Variants in IQGAP1 observed in about 807,000 individuals in gnomAD.
The protein encoded by IQGAP1 is IQ motif containing GTPase activating protein 1, also known as ras GTPase-activating-like protein IQGAP1.
A neutral mutation model predicts 215.6 loss-of-function variants in IQGAP1; 66 were observed. The observed-to-expected ratio is 0.31, with a 90% confidence interval of 0.25 to 0.38. IQGAP1 has a LOEUF of 0.38. Ranked by LOEUF, IQGAP1 falls within the 10% of genes least tolerant of loss-of-function variation. The probability of loss-of-function intolerance (pLI) is 1.00; values close to 1 mark genes in which losing one functional copy is unlikely to be tolerated. For missense variants in IQGAP1, 1,712 were observed against 1,997.1 expected (o/e 0.86, Z 2.72); for synonymous variants, 772 against 728.7 (o/e 1.06, Z -0.96).
intron 15 of IQGAP1, among the ~76,000 whole-genome samples, chr15:90,461,659 C>T (rs964603236): frequency 1.3e-5 from 2 of 151,878 alleles, no homozygotes; most frequent in African/African-American, 4.8e-5. Flanking sequence ...GCTGACATGG[C>T]GAAACTCCAT....
chr15:90,437,356 A>C (rs1345812546), intron 5 of IQGAP1, among the ~76,000 whole-genome samples: 1 of 152,212 alleles, frequency 6.6e-6, no homozygotes, highest in African/African-American at 2.4e-5. Flanking sequence ...CCATATCAGC[A>C]ACATTCTTGA....
intron 2 of IQGAP1, among the ~76,000 whole-genome samples, chr15:90,394,852 T>C (rs1964690089): frequency 6.6e-6 from 1 of 152,222 alleles, no homozygotes; most frequent in African/African-American, 2.4e-5. Flanking sequence ...TTGTGTATCC[T>C]AGGGCACTCC....
intron 15 of IQGAP1, among the ~76,000 whole-genome samples, chr15:90,460,637 C>T (rs1467287529): frequency 6.6e-6 from 1 of 152,104 alleles, no homozygotes; most frequent in East Asian, 1.9e-4. Flanking sequence ...ACTGTTCTTA[C>T]TGAGTTTCAG....
At chr15:90,398,361 A>G (rs1192169903) in intron 2 of IQGAP1, among the ~76,000 whole-genome samples, 1 of 152,118 alleles carries the variant, frequency 6.6e-6, no homozygotes, top group Non-Finnish European at 1.5e-5. Flanking sequence ...AGGGAGTGGA[A>G]TGGGGGTAGA....
At chr15:90,460,471 T>C (rs1965745944) in intron 15 of IQGAP1, among the ~76,000 whole-genome samples, 1 of 152,202 alleles carries the variant, frequency 6.6e-6, no homozygotes. Flanking sequence ...AAAGGCTGTT[T>C]GCAGTGGATG....
chr15:90,435,462 C>T (rs918904572), intron 5 of IQGAP1, among the ~76,000 whole-genome samples: 4 of 152,130 alleles, frequency 2.6e-5, no homozygotes, highest in Admixed American at 1.3e-4. Flanking sequence ...GATGACAGAG[C>T]GAGACTCTGT....
intron 10 of IQGAP1, among the ~76,000 whole-genome samples, chr15:90,449,115 G>A (rs1049931138): frequency 6.6e-6 from 1 of 151,308 alleles, no homozygotes; most frequent in Non-Finnish European, 1.5e-5. Flanking sequence ...GGCCAAAGCT[G>A]GAAAAGTACT....
At chr15:90,473,874 T>A in intron 20 of IQGAP1, 22 bp from the exon 21 acceptor site, 2 of 1,613,490 alleles carry the variant, frequency 1.2e-6, no homozygotes, top group Non-Finnish European at 1.7e-6. Context: ...CTCTTCTAAT[T>A]TCCAGGATCC....
intron 28 of IQGAP1, 179 bp from the exon 29 acceptor site, chr15:90,483,182 T>C: frequency 1.7e-6 from 1 of 571,646 alleles, no homozygotes; most frequent in Non-Finnish European, 3.1e-6. Context: ...GATATTTCAT[T>C]TAGTTCCAGG....
At position 90,477,843 on chromosome 15, in the gene IQGAP1, TACA is replaced by T; in HGVS notation, c.3285_3287del (p.Tyr1095_Lys1096delinsTer). The T allele has an allele frequency of 6.2e-7, 1 of 1,614,070 alleles. No individual in the cohort carries two copies. Among genetic ancestry groups the T allele is most frequent in the Non-Finnish European group, 8.5e-7 (1 of 1,179,950 alleles). ...CATCAAAACTGACCCTGTGGATATT[TACA>T]AATCTTGGGTTAATCAGATGGAGTC... On this transcript the variant is annotated stop_gained and inframe_deletion, in exon 26 of 38. Transcript: ENST00000268182. LOFTEE classifies it high-confidence loss of function.
Position 90,443,471 on chromosome 15 carries a change from A to G in IQGAP1, c.906A>G (p.Lys302=). 1 of 1,592,458 alleles carries G rather than the reference A, an allele frequency of 6.3e-7. No individual in the cohort carries two copies. Among genetic ancestry groups the G allele is most frequent in the Non-Finnish European group, 8.6e-7 (1 of 1,160,574 alleles). ...TQAEIQGNIN[K]VNTFSALANI... ...CTGAAATTCAAGGCAATATAAACAA[A>G]GTCAATAGTAAGTATGTTCCTGAAT... Residue 302 remains lysine, a synonymous_variant, in exon 9 of 38, where the codon AAA becomes AAG. Transcript: ENST00000268182.
intron 9 of IQGAP1, 89 bp downstream of exon 9, chr15:90,443,567 TTTAC>T (rs1246614960): frequency 4.1e-6 from 3 of 726,354 alleles, no homozygotes; most frequent in Non-Finnish European, 6.9e-6. Context: ...CATAGTTTGA[TTTAC>T]TTACTTTAGA....
chr15:90,462,638 G>T (rs1780357170), intron 15 of IQGAP1, among the ~76,000 whole-genome samples: 1 of 152,136 alleles, frequency 6.6e-6, no homozygotes, highest in African/African-American at 2.4e-5. Context: ...CCCTTTAGAG[G>T]GGTGTGTGAG....
intron 34 of IQGAP1, 72 bp downstream of exon 34, chr15:90,491,617 C>A: frequency 8.5e-7 from 1 of 1,178,368 alleles, no homozygotes; most frequent in Non-Finnish European, 1.3e-6. Context: ...AGTAGCTGTT[C>A]ACATAACAGC....
chr15:90,479,045 T>C (rs1248586200), intron 26 of IQGAP1, among the ~76,000 whole-genome samples: 1 of 152,106 alleles, frequency 6.6e-6, no homozygotes, highest in Non-Finnish European at 1.5e-5. Context: ...GGGTGGGAGA[T>C]GGAGGTGTGA....
intron 6 of IQGAP1, 63 bp downstream of exon 6, chr15:90,439,462 C>G (rs961318139): frequency 7.3e-7 from 1 of 1,372,498 alleles, no homozygotes; most frequent in African/African-American, 1.4e-5. Context: ...GGAGAGCCAG[C>G]AGTACCAATT....
At chr15:90,444,042 CAA>C (rs895336578) in intron 9 of IQGAP1, among the ~76,000 whole-genome samples, 12 of 150,358 alleles carry the variant, frequency 8.0e-5, no homozygotes, top group African/African-American at 2.2e-4. Flanking sequence ...CCAGACTGGG[CAA>C]CAGTGAGACT....
At chr15:90,482,135 A>G in intron 27 of IQGAP1, 35 bp downstream of exon 27, 1 of 1,614,084 alleles carries the variant, frequency 6.2e-7, no homozygotes, top group South Asian at 1.1e-5. Flanking sequence ...CCCCAGTAGA[A>G]CCCAGCACTA....
In IQGAP1 at chr15:90,497,363, C is replaced by CAA. The variant is rs548243322; in HGVS notation, c.4860+27_4860+28dup. On this transcript the variant is annotated intron_variant, in intron 37 of 37. Coordinates refer to ENST00000268182, the MANE Select transcript of IQGAP1 (RefSeq NM_003870.4). ...CAGGTGGGTATGCACCAGCAGGAAC[C>CAA]AAAAACTTTCTGGATGAGATTCTTG... 453 of 1,184,728 alleles carry CAA rather than the reference C, an allele frequency of 3.8e-4. 4 individuals carry two copies. In the African/African-American group the frequency reaches 6.3e-3, roughly 16 times the overall value. The allele number at this position is 1,184,728 out of a possible 1,614,324, so 73.4% of individuals were successfully genotyped here.
Sources: allele counts gnomAD v4.1 joint callset (sites outside exome capture counted in the v4.1 genomes callset), GRCh38; gene constraint gnomAD v4.1.1; transcripts MANE v1.5; gene names NCBI Gene and HGNC (gene_info 2026-07-23, HGNC 2026-07-21).